Variants in KDM2B observed in about 807,000 individuals in gnomAD.
The protein encoded by KDM2B is lysine demethylase 2B.
Under a neutral mutation model 150.0 loss-of-function variants are expected in KDM2B, and 26 were observed. The observed-to-expected ratio is 0.17, with a 90% CI of 0.13 to 0.24. The LOEUF (loss-of-function observed/expected upper bound fraction) is 0.24. KDM2B is among the 10% of genes least tolerant of loss of function. The pLI, the probability that KDM2B is intolerant of heterozygous loss-of-function variation, is 1.00. For synonymous variants in KDM2B, 734 were observed against 729.5 expected, an observed-to-expected ratio of 1.01 and a Z score of -0.10; for missense variants, 1,265 against 1,816.9, an observed-to-expected ratio of 0.70 and a Z score of 5.52.
intron 4 of KDM2B, among the ~76,000 whole-genome samples, chr12:121,557,186 G>A (rs1311859166): frequency 1.3e-5 from 2 of 150,812 alleles, no homozygotes; most frequent in African/African-American, 4.9e-5. Flanking sequence ...GATCAAGCTA[G>A]AATGAGATCA....
At chr12:121,465,237 G>GT (rs1237602962) in intron 12 of KDM2B, among the ~76,000 whole-genome samples, 1 of 152,032 alleles carries the variant, frequency 6.6e-6, no homozygotes, top group Non-Finnish European at 1.5e-5. Flanking sequence ...TTTTGTTTTT[G>GT]TTTTTTTGAG....
At chr12:121,573,713 G>A (rs1024684557) in intron 4 of KDM2B, among the ~76,000 whole-genome samples, 1 of 151,636 alleles carries the variant, frequency 6.6e-6, no homozygotes, top group East Asian at 1.9e-4. Context: ...TCAGCCTCCC[G>A]AGCAGCTGGG....
At chr12:121,441,040 C>A (rs1272741255) in intron 20 of KDM2B, 30 bp downstream of exon 20, 1 of 1,613,180 alleles carries the variant, frequency 6.2e-7, no homozygotes, top group Admixed American at 1.7e-5. Flanking sequence ...CTGCAGCAGA[C>A]ACACTCGGGG....
At chr12:121,462,961 G>T (rs989762902) in intron 12 of KDM2B, among the ~76,000 whole-genome samples, 12 of 150,972 alleles carry the variant, frequency 7.9e-5, no homozygotes, top group African/African-American at 2.9e-4. Context: ...AATTAGCCAG[G>T]TGTGATGGCA....
intron 6 of KDM2B, among the ~76,000 whole-genome samples, chr12:121,546,559 G>T (rs1398740170): frequency 5.4e-5 from 8 of 147,526 alleles, no homozygotes; most frequent in African/African-American, 1.3e-4. Context: ...ATTTTTTTTT[G>T]GTTTTTTTTT....
chr12:121,462,125 C>G lies in KDM2B; in HGVS notation c.1735-8781G>C, dbSNP rs1218566785. ...CCCCACAAGGGAAGGCCACAGGCCC[C>G]CCGATTTCTTTGTGCATGCTAATGT... On this transcript the variant is annotated intron_variant, in intron 12 of 22. Transcript: ENST00000377071. Among the ~76,000 whole-genome samples the G allele has an allele frequency of 2.0e-5, 3 of 152,256 alleles. No individual in the cohort carries two copies. In the East Asian group the frequency reaches 5.8e-4, roughly 29 times the overall value.
rs1421016682 is a variant in KDM2B, at chr12:121,518,112, C to T, written c.1047+2873G>A. Among the ~76,000 whole-genome samples the T allele has an allele frequency of 3.3e-5, 5 of 152,004 alleles. No homozygotes were observed. Among genetic ancestry groups the T allele is most frequent in the African/African-American group, 9.7e-5 (4 of 41,446 alleles). On this transcript the variant is annotated intron_variant, in intron 9 of 22. Transcript: ENST00000377071. This position sits in a 1 kb window ranked among gnomAD's most constrained non-coding sequence, Gnocchi z 4.4. ...TTCACCATGTTGGTCAGGCTGGTCT[C>T]GAACCCCTGACCTCAGATCATCCGC...
chr12:121,453,093 G>T lies in KDM2B; in HGVS notation c.1959+27C>A, dbSNP rs371117465. ...CGGCACGCAGGGGCCTGAATCGAGC[G>T]CAGGGCTGGGCGGGGGCCGCACTCA... is the stretch of plus-strand genomic sequence containing the variant. On this transcript the variant is annotated intron_variant, in intron 13 of 22. Transcript: ENST00000377071. The surrounding 1 kb of genome is among the most constrained non-coding windows in gnomAD (Gnocchi z 6.4). 1.9e-6 allele frequency: 3 copies of T among 1,572,948 alleles called. No homozygotes were observed. The highest frequency in any genetic ancestry group is 2.6e-6 in the Non-Finnish European group (3 of 1,160,356).
intron 6 of KDM2B, among the ~76,000 whole-genome samples, chr12:121,538,849 T>C (rs1888375622): frequency 6.6e-6 from 1 of 152,062 alleles, no homozygotes; most frequent in South Asian, 2.1e-4. Flanking sequence ...TTGGTCTACC[T>C]GACACACCTC....
chr12:121,467,318 G>GGGCTCT lies in KDM2B; in HGVS notation c.1735-13975_1735-13974insAGAGCC, dbSNP rs1880166555. The GGGCTCT allele has an allele frequency of 3.1e-6, 3 of 982,482 alleles. No homozygotes were observed. The highest frequency in any genetic ancestry group is 4.5e-5 in the South Asian group (1 of 22,092). 60.9% of individuals were successfully genotyped at this position (982,482 alleles called of 1,614,324 possible). A position where few individuals can be genotyped will look rare whatever the true frequency, so the allele number is the denominator to read the frequency against. On this transcript the variant is annotated intron_variant, in intron 12 of 22. Transcript: ENST00000377071. The surrounding 1 kb of genome is among the most constrained non-coding windows in gnomAD (Gnocchi z 5.1). Reference sequence around the variant, plus strand: ...CTCGCCCTGGCTCGGGCTCGGGCTCGGGCTCGGGCTCCCGCTGCCGCGAGG... The same window carrying GGGCTCT: ...CTCGCCCTGGCTCGGGCTCGGGCTCGGGCTCTGGCTCGGGCTCCCGCTGCCGCGAGG...
chr12:121,498,336 T>C (rs561720389), intron 11 of KDM2B, among the ~76,000 whole-genome samples: 1 of 151,994 alleles, frequency 6.6e-6, no homozygotes, highest in Admixed American at 6.6e-5. Flanking sequence ...ACTGGAACAA[T>C]AGGGAACGGT....
intron 19 of KDM2B, among the ~76,000 whole-genome samples, chr12:121,441,703 G>A (rs7305824): frequency 0.013 from 2,001 of 152,276 alleles, 45 homozygotes; most frequent in African/African-American, 0.045. Flanking sequence ...TAGGATTACA[G>A]GCATGAGCCA....
At chr12:121,528,658 C>T (rs922073914) in intron 8 of KDM2B, among the ~76,000 whole-genome samples, 1 of 152,122 alleles carries the variant, frequency 6.6e-6, no homozygotes, top group Non-Finnish European at 1.5e-5. Flanking sequence ...GATGACTTGG[C>T]AAGCCAAGCA....
chr12:121,487,172 GGAAA>G (rs1222093062), intron 12 of KDM2B, among the ~76,000 whole-genome samples: 4 of 152,000 alleles, frequency 2.6e-5, no homozygotes, highest in South Asian at 2.1e-4. Context: ...AACAAAAGAA[GGAAA>G]GAAAGAAAGA....
At chr12:121,487,801 T>TC in intron 12 of KDM2B, among the ~76,000 whole-genome samples, 1 of 151,576 alleles carries the variant, frequency 6.6e-6, no homozygotes, top group East Asian at 1.9e-4. Context: ...TTCTTTTTTT[T>TC]TTTTTTTTTT....
chr12:121,554,033 CCACACACACACACACACACACACACA>C (rs56659514), intron 4 of KDM2B, among the ~76,000 whole-genome samples: 5 of 122,142 alleles, frequency 4.1e-5, no homozygotes, highest in African/African-American at 1.2e-4. Context: ...CACCCCAGCT[CCACACACACACACACACACACACACA>C]CACACACACA....
chr12:121,505,701 G>C (rs782268908), intron 11 of KDM2B, among the ~76,000 whole-genome samples: 3 of 152,116 alleles, frequency 2.0e-5, no homozygotes, highest in Non-Finnish European at 4.4e-5. Context: ...CTGAGGTCCC[G>C]GGAGAGAGCC....
At chr12:121,444,887 T>C (rs1593761194) in intron 14 of KDM2B, 1 of 435,874 alleles carries the variant, frequency 2.3e-6, no homozygotes, top group Non-Finnish European at 4.3e-6. Context: ...CAGAAAGGAC[T>C]CTGCAGAGGA....
At chr12:121,510,184 G>A (rs983268686) in intron 10 of KDM2B, 145 bp from the exon 11 acceptor site, 3 of 718,578 alleles carry the variant, frequency 4.2e-6, no homozygotes, top group Non-Finnish European at 6.7e-6. Flanking sequence ...CCAGCCTCTG[G>A]AAAGGCCGTG....
Sources: allele counts gnomAD v4.1 joint callset (sites outside exome capture counted in the v4.1 genomes callset), GRCh38; gene constraint gnomAD v4.1.1; non-coding constraint Gnocchi (gnomAD v3.1); transcripts MANE v1.5; gene names NCBI Gene and HGNC (gene_info 2026-07-23, HGNC 2026-07-21).